Variants in RALGAPA1 observed in about 807,000 individuals in gnomAD.
The protein encoded by RALGAPA1 is ral GTPase-activating protein subunit alpha-1.
A neutral mutation model predicts 269.6 loss-of-function variants in RALGAPA1; 52 were observed. The observed-to-expected ratio is 0.19, with a 90% CI of 0.15 to 0.24. The LOEUF (loss-of-function observed/expected upper bound fraction) is 0.24, where lower values mean the gene tolerates loss of function less well. Among genes scored for constraint, RALGAPA1 ranks in the 10% least tolerant of loss-of-function variants. RALGAPA1 has a pLI of 1.00. For missense variants in RALGAPA1, 1,917 were observed against 3,013.9 expected (o/e 0.64, Z 8.52); for synonymous variants, 817 against 1,008.3 (o/e 0.81, Z 3.60).
chr14:35,782,995 A>T (rs979690338), intron 1 of RALGAPA1, among the ~76,000 whole-genome samples: 1 of 151,704 alleles, frequency 6.6e-6, no homozygotes, highest in African/African-American at 2.4e-5. Context: ...CTCATTTTTT[A>T]AATTTTTTGT....
intron 26 of RALGAPA1, among the ~76,000 whole-genome samples, chr14:35,665,750 C>T (rs902434596): frequency 7.2e-5 from 11 of 152,118 alleles, no homozygotes. Flanking sequence ...AAAAATGAAA[C>T]TGATCTTAAA....
At chr14:35,672,713 A>G (rs1258667628) in intron 25 of RALGAPA1, among the ~76,000 whole-genome samples, 154 bp downstream of exon 25, 1 of 152,228 alleles carries the variant, frequency 6.6e-6, no homozygotes, top group East Asian at 1.9e-4. Context: ...AAGAACAAAT[A>G]AGGTCATAAA....
At chr14:35,634,468 A>G in intron 33 of RALGAPA1, 106 bp downstream of exon 33, 2 of 853,930 alleles carry the variant, frequency 2.3e-6, no homozygotes, top group Non-Finnish European at 3.4e-6. Context: ...TTAAACAACT[A>G]CAAAGTAAGA....
chr14:35,635,597 A>G lies in RALGAPA1; in HGVS notation c.5678T>C (p.Leu1893Ser), dbSNP rs752827497. Residue 1893 changes from leucine to serine, a missense_variant and splice_region_variant, in exon 32 of 42, where the codon TTG becomes TCG. Leu to Ser is a moderately radical substitution (Grantham distance 145). Around this residue, in one of 11 missense-constraint regions of RALGAPA1, gnomAD observed 346 missense variants for 566.1 expected, o/e 0.61. Transcript: ENST00000680220. ...AAGGCAGAGAAGTAAAGATACTACC[A>G]ACTGTAACAACAATAGAATCATTAT... ...EASSYEMDKR[L>S]VVSLLLCLLD... The G allele has an allele frequency of 1.9e-6, 3 of 1,569,658 alleles. No homozygotes were observed. The African/African-American group carries it at 4.1e-5, about 22-fold the overall frequency.
At position 35,721,725 on chromosome 14, in the gene RALGAPA1, G is replaced by C; in HGVS notation, c.2229C>G (p.Thr743=). The C allele has an allele frequency of 6.2e-7, 1 of 1,613,590 alleles. No homozygotes were observed. Among genetic ancestry groups the C allele is most frequent in the Non-Finnish European group, 8.5e-7 (1 of 1,179,842 alleles). Residue 743 remains threonine, a synonymous_variant, in exon 16 of 42, where the codon ACC becomes ACG. Transcript: ENST00000680220. ...GCCGTACTATACTCCTCGCCTTTTC[G>C]GTTCCTGGAGAACCAGTGGTTGTTG... ...RSATTTGSPG[T]EKARSIVRQK...
At chr14:35,722,286 T>C (rs2069491722) in intron 15 of RALGAPA1, among the ~76,000 whole-genome samples, 1 of 152,208 alleles carries the variant, frequency 6.6e-6, no homozygotes, top group Non-Finnish European at 1.5e-5. Context: ...GTGACTTAGA[T>C]GTAAACTCTA....
At chr14:35,639,393 G>C (rs2061864142) in intron 31 of RALGAPA1, among the ~76,000 whole-genome samples, 1 of 152,088 alleles carries the variant, frequency 6.6e-6, no homozygotes, top group Non-Finnish European at 1.5e-5. Context: ...AATCAACAGA[G>C]ACATTGGACT....
Position 35,595,795 on chromosome 14 carries a change from A to C in RALGAPA1, c.7054-6T>G, listed in dbSNP as rs1228420881. On this transcript the variant is annotated splice_polypyrimidine_tract_variant and splice_region_variant and intron_variant, in intron 36 of 41. Transcript: ENST00000680220. ...CAATGGTTTGTAAGATTTACCTAGA[A>C]GTAATGAAGAGTCACATAAATTAAT... is the stretch of plus-strand genomic sequence containing the variant. 3 of 1,606,656 alleles carry C rather than the reference A, an allele frequency of 1.9e-6. No individual in the cohort carries two copies. In the African/African-American group the frequency reaches 4.0e-5, roughly 22 times the overall value.
At chr14:35,720,312 A>T (rs944664711) in intron 16 of RALGAPA1, among the ~76,000 whole-genome samples, 1 of 152,128 alleles carries the variant, frequency 6.6e-6, no homozygotes, top group African/African-American at 2.4e-5. Flanking sequence ...CTTTTAAAGG[A>T]TTTTACATTA....
chr14:35,784,547 T>A (rs1273722078), intron 1 of RALGAPA1, among the ~76,000 whole-genome samples: 1 of 152,184 alleles, frequency 6.6e-6, no homozygotes, highest in Non-Finnish European at 1.5e-5. Flanking sequence ...TTAGCTCATC[T>A]AATATTCAAC....
intron 39 of RALGAPA1, among the ~76,000 whole-genome samples, chr14:35,552,172 C>T (rs1015812451): frequency 1.3e-5 from 2 of 152,014 alleles, no homozygotes; most frequent in Non-Finnish European, 2.9e-5. Flanking sequence ...CATCCCCCCC[C>T]GGCCCCCGCT....
intron 38 of RALGAPA1, among the ~76,000 whole-genome samples, chr14:35,572,048 GTGTT>G (rs1164110032): frequency 6.6e-6 from 1 of 152,142 alleles, no homozygotes; most frequent in Non-Finnish European, 1.5e-5. Context: ...CTGCAATAGT[GTGTT>G]TGAATTCTAT....
At chr14:35,791,478 G>T (rs746640937) in intron 1 of RALGAPA1, among the ~76,000 whole-genome samples, 1 of 152,084 alleles carries the variant, frequency 6.6e-6, no homozygotes, top group African/African-American at 2.4e-5. Context: ...TTGGTGGCAG[G>T]CGCCTGTAAT....
intron 17 of RALGAPA1, among the ~76,000 whole-genome samples, chr14:35,697,350 GTTTTGT>G (rs1310384343): frequency 6.6e-6 from 1 of 151,244 alleles, no homozygotes; most frequent in African/African-American, 2.4e-5. Flanking sequence ...GTTTTGTTTT[GTTTTGT>G]TTTTTTTTGA....
intron 39 of RALGAPA1, among the ~76,000 whole-genome samples, chr14:35,555,015 G>A (rs978597120): frequency 6.6e-6 from 1 of 152,154 alleles, no homozygotes; most frequent in African/African-American, 2.4e-5. Context: ...CTTTTAGGGG[G>A]AAATATAGTT....
intron 28 of RALGAPA1, among the ~76,000 whole-genome samples, chr14:35,656,299 T>C (rs954365121): frequency 6.6e-6 from 1 of 152,200 alleles, no homozygotes; most frequent in South Asian, 2.1e-4. Context: ...AACATGAAGC[T>C]GATGGAATAT....
At chr14:35,666,608 T>A (rs1160924983) in intron 26 of RALGAPA1, among the ~76,000 whole-genome samples, 3 of 152,214 alleles carry the variant, frequency 2.0e-5, no homozygotes, top group Admixed American at 2.0e-4. Flanking sequence ...ATTCTTGCAA[T>A]GATTTGGTTT....
intron 33 of RALGAPA1, among the ~76,000 whole-genome samples, chr14:35,631,807 A>G (rs1406017758): frequency 6.6e-6 from 1 of 152,196 alleles, no homozygotes; most frequent in African/African-American, 2.4e-5. Context: ...ACAATAAAAA[A>G]TCATTCAATT....
At chr14:35,780,369 C>A (rs2075347874) in intron 1 of RALGAPA1, among the ~76,000 whole-genome samples, 1 of 152,100 alleles carries the variant, frequency 6.6e-6, no homozygotes, top group Non-Finnish European at 1.5e-5. Flanking sequence ...TATAATGCAG[C>A]CAGATCTAAC....
Sources: allele counts gnomAD v4.1 joint callset (sites outside exome capture counted in the v4.1 genomes callset), GRCh38; gene constraint gnomAD v4.1.1; regional missense constraint gnomAD v4.1.1; transcripts MANE v1.5; gene names NCBI Gene and HGNC (gene_info 2026-07-23, HGNC 2026-07-21).